Variants in FRMD4B observed in about 807,000 individuals in gnomAD.
FRMD4B encodes FERM domain-containing protein 4B.
In FRMD4B, 74 loss-of-function variants were observed where a neutral mutation model predicts 141.5. That is an observed-to-expected ratio of 0.52 (90% CI 0.43 to 0.63). The LOEUF (loss-of-function observed/expected upper bound fraction) is 0.63, where lower values mean the gene tolerates loss of function less well. Ranked by LOEUF, FRMD4B falls within the 30% of genes least tolerant of loss-of-function variation. The pLI is 0.00. For synonymous variants in FRMD4B, 506 were observed against 467.9 expected (o/e 1.08, Z -1.05); for missense variants, 1,366 against 1,253.4 (o/e 1.09, Z -1.36).
intron 1 of FRMD4B, among the ~76,000 whole-genome samples, chr3:69,493,664 GA>G (rs1316149043): frequency 2.0e-5 from 3 of 151,874 alleles, no homozygotes; most frequent in Non-Finnish European, 4.4e-5. Flanking sequence ...TTGGCCTCTT[GA>G]TTTGCTTACT....
chr3:69,497,470 C>T (rs1049541753), intron 1 of FRMD4B, among the ~76,000 whole-genome samples: 1 of 151,986 alleles, frequency 6.6e-6, no homozygotes, highest in Non-Finnish European at 1.5e-5. Flanking sequence ...GTATTCGTGG[C>T]CCAGTTATAT....
chr3:69,205,331 C>A (rs142877191), intron 11 of FRMD4B, among the ~76,000 whole-genome samples: 31 of 152,138 alleles, frequency 2.0e-4, no homozygotes, highest in African/African-American at 6.7e-4. Context: ...CCACACCTGA[C>A]TATATTTCTG....
intron 17 of FRMD4B, among the ~76,000 whole-genome samples, chr3:69,192,584 T>C (rs1000690552): frequency 6.6e-6 from 1 of 152,094 alleles, no homozygotes; most frequent in African/African-American, 2.4e-5. Flanking sequence ...TTTCTGAAAA[T>C]GAAAGTCATA....
intron 4 of FRMD4B, among the ~76,000 whole-genome samples, chr3:69,290,573 C>T (rs1050285604): frequency 1.3e-5 from 2 of 152,152 alleles, no homozygotes; most frequent in African/African-American, 4.8e-5. Context: ...CTTTCCCATG[C>T]ATTTGTATCC....
At chr3:69,431,898 C>T (rs1705186078) in intron 2 of FRMD4B, among the ~76,000 whole-genome samples, 1 of 152,218 alleles carries the variant, frequency 6.6e-6, no homozygotes. Flanking sequence ...ACATCAATGT[C>T]CTTCAAACCG....
At chr3:69,475,303 C>A (rs572353502) in intron 1 of FRMD4B, among the ~76,000 whole-genome samples, 12 of 151,786 alleles carry the variant, frequency 7.9e-5, no homozygotes, top group Admixed American at 7.9e-4. Flanking sequence ...TGTGCTGCAC[C>A]CATTAACTCG....
chr3:69,514,132 C>A (rs1383661994), intron 1 of FRMD4B, among the ~76,000 whole-genome samples: 2 of 152,088 alleles, frequency 1.3e-5, no homozygotes, highest in East Asian at 3.9e-4. Flanking sequence ...TCACAGATGA[C>A]AAATCTTATA....
intron 4 of FRMD4B, among the ~76,000 whole-genome samples, chr3:69,296,657 G>T (rs1701043231): frequency 6.6e-6 from 1 of 152,188 alleles, no homozygotes; most frequent in African/African-American, 2.4e-5. Flanking sequence ...CTAAGTAGGA[G>T]AATCAGTTGT....
chr3:69,324,186 G>A (rs1240800394), intron 1 of FRMD4B, among the ~76,000 whole-genome samples: 1 of 152,200 alleles, frequency 6.6e-6, no homozygotes, highest in Non-Finnish European at 1.5e-5. Flanking sequence ...CCATGGCTGT[G>A]TCATGCATAT....
At chr3:69,402,931 C>T (rs1177636793) in intron 2 of FRMD4B, among the ~76,000 whole-genome samples, 2 of 152,182 alleles carry the variant, frequency 1.3e-5, no homozygotes, top group Admixed American at 1.3e-4. Context: ...TTAAAGGAAG[C>T]ATAGCCCTGG....
At chr3:69,280,438 C>T (rs2093639497) in intron 5 of FRMD4B, among the ~76,000 whole-genome samples, 1 of 152,122 alleles carries the variant, frequency 6.6e-6, no homozygotes, top group Non-Finnish European at 1.5e-5. Context: ...CCTGAAATAT[C>T]CCTCTAGAAG....
intron 5 of FRMD4B, among the ~76,000 whole-genome samples, chr3:69,250,511 C>G (rs1403746563): frequency 6.6e-6 from 1 of 151,870 alleles, no homozygotes; most frequent in African/African-American, 2.4e-5. Flanking sequence ...ATTTTTTTCC[C>G]CTGTGTTACA....
intron 1 of FRMD4B, among the ~76,000 whole-genome samples, chr3:69,349,307 C>T (rs1703054452): frequency 6.6e-6 from 1 of 152,112 alleles, no homozygotes; most frequent in South Asian, 2.1e-4. Context: ...CAAACCACTG[C>T]TCAATGAAAT....
chr3:69,496,633 GAGAA>G (rs1240843823), intron 1 of FRMD4B, among the ~76,000 whole-genome samples: 19 of 74,152 alleles, frequency 2.6e-4, no homozygotes, highest in Admixed American at 6.0e-4. Context: ...GAGAGAGAGA[GAGAA>G]AGAGAGAGAG....
At chr3:69,491,707 C>A (rs1441939879) in intron 1 of FRMD4B, among the ~76,000 whole-genome samples, 2 of 152,180 alleles carry the variant, frequency 1.3e-5, no homozygotes, top group Non-Finnish European at 2.9e-5. Flanking sequence ...AAGGCTTTCA[C>A]AATTTACCTG....
At chr3:69,413,321 T>C (rs754921085) in intron 2 of FRMD4B, among the ~76,000 whole-genome samples, 5 of 152,172 alleles carry the variant, frequency 3.3e-5, no homozygotes, top group South Asian at 2.1e-4. Flanking sequence ...CATTTTACAG[T>C]TAAAGAAACG....
intron 2 of FRMD4B, among the ~76,000 whole-genome samples, chr3:69,401,086 A>G (rs76383350): frequency 0.036 from 5,555 of 152,280 alleles, 336 homozygotes; most frequent in African/African-American, 0.13. Context: ...TTTAAGATAC[A>G]CAGCATAGAA....
At chr3:69,409,059 CAG>C (rs1339917327) in intron 2 of FRMD4B, among the ~76,000 whole-genome samples, 2 of 152,144 alleles carry the variant, frequency 1.3e-5, no homozygotes, top group Non-Finnish European at 2.9e-5. Context: ...GGAATATATG[CAG>C]AGTGTCTAAA....
At chr3:69,282,930 C>T (rs1052410513) in intron 5 of FRMD4B, among the ~76,000 whole-genome samples, 1 of 152,086 alleles carries the variant, frequency 6.6e-6, no homozygotes, top group Non-Finnish European at 1.5e-5. Flanking sequence ...AGCTACCACA[C>T]CCAGCCATCT....
Sources: gnomAD v4.1 joint callset for allele counts (sites outside exome capture counted in the v4.1 genomes callset) on GRCh38, gnomAD v4.1.1 for gene constraint, MANE v1.5 for transcripts, NCBI Gene and HGNC (gene_info 2026-07-23, HGNC 2026-07-21) for gene names.